DOCK9: variants seen among roughly 807,000 people sequenced by gnomAD.
DOCK9 encodes the protein dedicator of cytokinesis 9.
In DOCK9, 89 loss-of-function variants were observed where a neutral mutation model predicts 263.3. The ratio of observed to expected loss-of-function variants is 0.34; its 90% CI spans 0.28 to 0.40. The LOEUF is 0.40. DOCK9 is among the 10% of genes least tolerant of loss of function. DOCK9 has a pLI of 1.00. For missense variants in DOCK9, 2,140 were observed against 2,603.4 expected, an observed-to-expected ratio of 0.82 and a Z score of 3.87; for synonymous variants, 976 against 973.1, an observed-to-expected ratio of 1.00 and a Z score of -0.06.
intron 1 of DOCK9, among the ~76,000 whole-genome samples, chr13:99,051,023 C>T (rs1405695681): frequency 6.6e-6 from 1 of 152,232 alleles, no homozygotes; most frequent in Non-Finnish European, 1.5e-5. Context: ...CTCTCCATCA[C>T]CTGCCCACCC....
intron 37 of DOCK9, 88 bp downstream of exon 37, chr13:98,848,504 G>T: frequency 7.1e-7 from 1 of 1,417,962 alleles, no homozygotes; most frequent in Non-Finnish European, 9.7e-7. Context: ...AACCCCAACT[G>T]CCAACCGCCA....
chr13:98,949,199 A>C (rs1221176111), intron 2 of DOCK9, among the ~76,000 whole-genome samples: 1 of 152,142 alleles, frequency 6.6e-6, no homozygotes, highest in Non-Finnish European at 1.5e-5. Flanking sequence ...CAGCCTCCCA[A>C]GTCGCTGGGA....
At chr13:98,878,471 T>A (rs771244708) in intron 27 of DOCK9, among the ~76,000 whole-genome samples, 6 of 152,256 alleles carry the variant, frequency 3.9e-5, no homozygotes, top group Non-Finnish European at 8.8e-5. Flanking sequence ...TCCACTTTTT[T>A]AGCTCCCACA....
intron 9 of DOCK9, among the ~76,000 whole-genome samples, chr13:98,911,280 T>C (rs2049976664): frequency 6.6e-6 from 1 of 152,190 alleles, no homozygotes; most frequent in African/African-American, 2.4e-5. Flanking sequence ...GGATTCATTT[T>C]TCAGGTTTTG....
chr13:98,979,180 A>ATAGTAATAG (rs1476073911), upstream of DOCK9, among the ~76,000 whole-genome samples: 3 of 132,788 alleles, frequency 2.3e-5, no homozygotes, highest in Non-Finnish European at 3.2e-5. Flanking sequence ...AGCAGCAGCA[A>ATAGTAATAG]TAGTAGTAGT....
At chr13:98,803,678 C>A (rs1270740646) in intron 49 of DOCK9, among the ~76,000 whole-genome samples, 1 of 152,174 alleles carries the variant, frequency 6.6e-6, no homozygotes, top group Non-Finnish European at 1.5e-5. Flanking sequence ...GTGATTCCAT[C>A]TGGAAGCGCA....
intron 6 of DOCK9, among the ~76,000 whole-genome samples, chr13:98,921,848 C>A (rs986233012): frequency 2.0e-5 from 3 of 152,162 alleles, no homozygotes; most frequent in African/African-American, 7.2e-5. Flanking sequence ...TCTCCTTATG[C>A]TGGTGGTCAG....
chr13:99,047,723 A>G (rs1284934250), intron 1 of DOCK9, among the ~76,000 whole-genome samples: 10 of 151,854 alleles, frequency 6.6e-5, no homozygotes, highest in Non-Finnish European at 7.4e-5. Context: ...GGGTTTCACC[A>G]TGTTAGCCAG....
At chr13:98,886,707 A>G (rs1031284761) in intron 18 of DOCK9, 83 bp from the exon 19 acceptor site, 1 of 1,292,442 alleles carries the variant, frequency 7.7e-7, no homozygotes, top group African/African-American at 1.5e-5. Flanking sequence ...AGGAGGAGGC[A>G]TTCCTACGGC....
At chr13:99,078,893 A>G (rs1351022147) in intron 1 of DOCK9, among the ~76,000 whole-genome samples, 1 of 151,978 alleles carries the variant, frequency 6.6e-6, no homozygotes, top group African/African-American at 2.4e-5. Flanking sequence ...AAATCGGAAG[A>G]AAAAAAAGTG....
chr13:98,940,612 T>C (rs1168263171), intron 2 of DOCK9, among the ~76,000 whole-genome samples: 1 of 152,150 alleles, frequency 6.6e-6, no homozygotes, highest in African/African-American at 2.4e-5. Flanking sequence ...TCATGGACTA[T>C]TTGAGCCTAA....
At chr13:99,006,991 C>T (rs140590250) in intron 1 of DOCK9, among the ~76,000 whole-genome samples, 488 of 152,212 alleles carry the variant, frequency 3.2e-3, no homozygotes, top group South Asian at 7.1e-3. Context: ...ACTCAGGAGG[C>T]TTAGGTGGCA....
intron 38 of DOCK9, among the ~76,000 whole-genome samples, chr13:98,839,420 T>G (rs2093128321): frequency 6.6e-6 from 1 of 152,218 alleles, no homozygotes; most frequent in Non-Finnish European, 1.5e-5. Flanking sequence ...AGGTCGATGA[T>G]GACTGTTAAA....
At chr13:99,048,350 T>C (rs1364471922) in intron 1 of DOCK9, among the ~76,000 whole-genome samples, 1 of 152,196 alleles carries the variant, frequency 6.6e-6, no homozygotes, top group Non-Finnish European at 1.5e-5. Context: ...CATTCCCCTC[T>C]GCTACTGCTC....
chr13:98,983,576 T>C (rs1357927853), intron 1 of DOCK9, among the ~76,000 whole-genome samples: 5 of 151,968 alleles, frequency 3.3e-5, no homozygotes, highest in Non-Finnish European at 5.9e-5. Context: ...TAGGAAAAGA[T>C]ACATCTGATA....
chr13:98,967,708 C>G (rs1052318958), intron 1 of DOCK9, among the ~76,000 whole-genome samples: 1 of 152,186 alleles, frequency 6.6e-6, no homozygotes, highest in Non-Finnish European at 1.5e-5. Context: ...CTGCCAGGCA[C>G]TGAACTAACC....
intron 9 of DOCK9, among the ~76,000 whole-genome samples, chr13:98,909,172 T>A (rs1804310847): frequency 6.6e-6 from 1 of 152,208 alleles, no homozygotes; most frequent in Non-Finnish European, 1.5e-5. Context: ...CTGTTCTCTG[T>A]AGAAACTGGT....
At chr13:98,885,975 G>A (rs1279302847) in intron 19 of DOCK9, 144 bp from the exon 20 acceptor site, 1 of 696,862 alleles carries the variant, frequency 1.4e-6, no homozygotes, top group Non-Finnish European at 2.2e-6. Flanking sequence ...AAGATACTGA[G>A]ACTATAAATT....
At chr13:98,910,277 C>T (rs1348254553) in intron 9 of DOCK9, among the ~76,000 whole-genome samples, 4 of 152,170 alleles carry the variant, frequency 2.6e-5, no homozygotes, top group Non-Finnish European at 5.9e-5. Flanking sequence ...ACTTGAACTA[C>T]GGTTTGTGTA....
Sources: allele counts gnomAD v4.1 joint callset (sites outside exome capture counted in the v4.1 genomes callset), GRCh38; gene constraint gnomAD v4.1.1; transcripts MANE v1.5; gene names NCBI Gene and HGNC (gene_info 2026-07-23, HGNC 2026-07-21).